The following NPC1L1 variants were observed in gnomAD, a reference collection of about 807,000 sequenced individuals.
The protein encoded by NPC1L1 is NPC1-like intracellular cholesterol transporter 1.
A neutral mutation model predicts 117.0 loss-of-function variants in NPC1L1; 98 were observed. That is an observed-to-expected ratio of 0.84 (90% CI 0.71 to 0.99). The LOEUF (loss-of-function observed/expected upper bound fraction) is 0.99. NPC1L1 is among the 50% of genes least tolerant of loss of function. The probability of loss-of-function intolerance (pLI) is 0.00; values close to 1 mark genes in which losing one functional copy is unlikely to be tolerated. For missense variants in NPC1L1, 1,540 were observed against 1,710.0 expected, an observed-to-expected ratio of 0.90 and a Z score of 1.75; for synonymous variants, 729 against 727.6, an observed-to-expected ratio of 1.00 and a Z score of -0.03.
chr7:44,539,955 C>T lies in NPC1L1; in HGVS notation c.442G>A (p.Gly148Arg), dbSNP rs1802037838. The change falls in exon 2 of 19, where the codon GGA (glycine) becomes AGA (arginine). Residue 148 changes from glycine (G) to arginine (R), a missense_variant. Physicochemically the swap from Gly to Arg is moderately radical, Grantham distance 125. Transcript: ENST00000381160. This position sits in a 1 kb window ranked among gnomAD's most constrained non-coding sequence, Gnocchi z 4.4. ...TAGGCCACCACAGCTGGGAGTTGTC[C>T]AGCCCCTAGCTGGGCCACGCGGGTC... Reference protein sequence around the residue: ...NVTRVAQLGAGQLPAVVAYEA... With the variant: ...NVTRVAQLGARQLPAVVAYEA... The T allele has an allele frequency of 6.2e-7, 1 of 1,614,116 alleles. No homozygotes were observed. Among genetic ancestry groups the T allele is most frequent in the African/African-American group, 1.3e-5 (1 of 74,944 alleles).
At chr7:44,514,739 C>A (rs539184858) in intron 18 of NPC1L1, among the ~76,000 whole-genome samples, 2 of 150,750 alleles carry the variant, frequency 1.3e-5, no homozygotes, top group East Asian at 3.9e-4. Context: ...CAGTGGCTCA[C>A]GCCTGTAATC....
chr7:44,538,684 A>G lies in NPC1L1; in HGVS notation c.1580+133T>C. On this transcript the variant is annotated intron_variant, in intron 2 of 18. Coordinates refer to ENST00000381160, the MANE Select transcript of NPC1L1 (RefSeq NM_001101648.2). The surrounding 1 kb of genome is among the most constrained non-coding windows in gnomAD (Gnocchi z 5.9). ...CAGAGATAATCATCTGGGCGGCCCC[A>G]GGCCAGAGCCGTAGGAATAGCTACC... 1 of 914,992 alleles carries G rather than the reference A, an allele frequency of 1.1e-6. No individual in the cohort carries two copies. Among genetic ancestry groups the G allele is most frequent in the South Asian group, 1.3e-5 (1 of 74,588 alleles). The allele number at this position is 914,992 out of a possible 1,614,324, so 56.7% of individuals were successfully genotyped here.
chr7:44,522,599 C>A (rs1414270461), intron 10 of NPC1L1, among the ~76,000 whole-genome samples: 1 of 152,180 alleles, frequency 6.6e-6, no homozygotes, highest in Non-Finnish European at 1.5e-5. Flanking sequence ...CTCAGGGGTA[C>A]CCTCAAGATG....
In NPC1L1 at chr7:44,534,120, A is replaced by C. The variant is rs1409479511; in HGVS notation, c.2167-267T>G. ...ACCCTAATTGTTCACCAACAGGGAG[A>C]GGTGAAATCGACTCTGATTTATCCT... On this transcript the variant is annotated intron_variant, in intron 6 of 18. Transcript: ENST00000381160. The surrounding 1 kb of genome is among the most constrained non-coding windows in gnomAD (Gnocchi z 5.2). Among the ~76,000 whole-genome samples, 1 of 150,524 alleles carries C rather than the reference A, an allele frequency of 6.6e-6. No homozygotes were observed.
chr7:44,534,682 C>G lies in NPC1L1; in HGVS notation c.1984-53G>C. On this transcript the variant is annotated intron_variant, in intron 5 of 18. Transcript: ENST00000381160. The surrounding 1 kb of genome is among the most constrained non-coding windows in gnomAD (Gnocchi z 5.2). ...AGCCACTTAGCACCTACCCAGTATG[C>G]CCACCAGCCTCAGCTAGGCCAGACA... 2 of 1,592,346 alleles carry G rather than the reference C, an allele frequency of 1.3e-6. No individual in the cohort carries two copies. Among genetic ancestry groups the G allele is most frequent in the Non-Finnish European group, 1.7e-6 (2 of 1,164,016 alleles).
chr7:44,537,925 C>T (rs541981716), intron 2 of NPC1L1, among the ~76,000 whole-genome samples: 3 of 152,180 alleles, frequency 2.0e-5, no homozygotes, highest in Non-Finnish European at 2.9e-5. Flanking sequence ...AACTTGGGGC[C>T]CAGCTGAGGG....
rs1445550357 is a variant in NPC1L1, at chr7:44,532,317, G to A, written c.2410-100C>T. 92 of 1,407,838 alleles carry A rather than the reference G, an allele frequency of 6.5e-5. No individual in the cohort carries two copies. The South Asian group carries it at 6.9e-4, about 11-fold the overall frequency. 87.2% of individuals were successfully genotyped at this position (1,407,838 alleles called of 1,614,324 possible). The stretch of plus-strand genomic sequence containing the variant: ...GAGTGTCACCTTCTGTGGGTGGCCC[G>A]TGCCAGTGCCCTCATGGAGACATAC... On this transcript the variant is annotated intron_variant, in intron 8 of 18. Transcript: ENST00000381160.
At chr7:44,518,850 A>G (rs1488592620) in intron 14 of NPC1L1, among the ~76,000 whole-genome samples, 4 of 151,572 alleles carry the variant, frequency 2.6e-5, no homozygotes, top group Non-Finnish European at 5.9e-5. Context: ...CCTGGAGGGT[A>G]GTTCACACAC....
At position 44,534,000 on chromosome 7, in the gene NPC1L1, C is replaced by T. The variant is rs952329834; in HGVS notation, c.2167-147G>A. The T allele has an allele frequency of 1.0e-5, 7 of 693,588 alleles. No homozygotes were observed. In the Admixed American group the frequency reaches 1.6e-4, roughly 16 times the overall value. The allele number at this position is 693,588 out of a possible 1,614,324, so 43.0% of individuals were successfully genotyped here. A position where few individuals can be genotyped will look rare whatever the true frequency, so the allele number is the denominator to read the frequency against. On this transcript the variant is annotated intron_variant, in intron 6 of 18. Transcript: ENST00000381160. ...CTGAATCATCAGAGACTCTCATACT[C>T]TCCATGGCCAATATTCTTCTTCCAG... is the stretch of plus-strand genomic sequence containing the variant.
chr7:44,521,615 G>A (rs1801354904), intron 12 of NPC1L1, 97 bp downstream of exon 12: 15 of 1,572,318 alleles, frequency 9.5e-6, no homozygotes, highest in African/African-American at 1.3e-5. Context: ...CAGGATGCGT[G>A]GGAGAGGTTG....
At chr7:44,523,038 CT>C (rs1801407857) in intron 10 of NPC1L1, among the ~76,000 whole-genome samples, 1 of 152,136 alleles carries the variant, frequency 6.6e-6, no homozygotes, top group Non-Finnish European at 1.5e-5. Context: ...AACAATTTGT[CT>C]GGTATAACTA....
At chr7:44,523,985 C>T (rs76652739) in intron 10 of NPC1L1, among the ~76,000 whole-genome samples, 2,712 of 152,268 alleles carry the variant, frequency 0.018, 74 homozygotes, top group African/African-American at 0.062. Flanking sequence ...CTCCCACCAC[C>T]GTTGTTGCAA....
At position 44,539,838 on chromosome 7, in the gene NPC1L1, T is replaced by C. The variant is rs771651843; in HGVS notation, c.559A>G (p.Thr187Ala). ...VPAAATLAVG[T>A]MCGVYGSALC... ...GCAGAGCCATACACGCCACACATGG[T>C]GCCCACAGCCAGCGTGGCAGCTGCA... Residue 187 changes from threonine (T) to alanine (A), a missense_variant, in exon 2 of 19, where the codon ACC becomes GCC. Thr to Ala is a moderately conservative substitution (Grantham distance 58, BLOSUM62 0). This residue lies in a region of NPC1L1 where 793 missense variants were observed against 820.4 expected (regional missense o/e 0.97). Transcript: ENST00000381160. The surrounding 1 kb of genome is among the most constrained non-coding windows in gnomAD (Gnocchi z 4.4). The C allele has an allele frequency of 2.0e-5, 33 of 1,613,998 alleles. No individual in the cohort carries two copies. The South Asian group carries it at 3.5e-4, about 17-fold the overall frequency.
chr7:44,525,550 C>G (rs1801488530), intron 10 of NPC1L1, among the ~76,000 whole-genome samples: 1 of 152,174 alleles, frequency 6.6e-6, no homozygotes, highest in South Asian at 2.1e-4. Context: ...GCCACTGCAC[C>G]CAGCTGGATA....
At position 44,533,963 on chromosome 7, in the gene NPC1L1, G is replaced by A. The variant is rs531526588; in HGVS notation, c.2167-110C>T. On this transcript the variant is annotated intron_variant, in intron 6 of 18. Transcript: ENST00000381160. ...GAGCTGCAGCCAGGCCTGAGGAGCT[G>A]CTCTGACCTTCCTGAATCATCAGAG... 2.1e-5 allele frequency: 17 copies of A among 813,566 alleles called. No individual in the cohort carries two copies. The African/African-American group carries it at 2.4e-4, about 11-fold the overall frequency. The allele number at this position is 813,566 out of a possible 1,614,324, so 50.4% of individuals were successfully genotyped here.
chr7:44,529,202 C>A (rs143819652), intron 10 of NPC1L1, among the ~76,000 whole-genome samples: 272 of 151,178 alleles, frequency 1.8e-3, no homozygotes, highest in African/African-American at 6.0e-3. Flanking sequence ...GTGCCCTAGG[C>A]AGCCCCCATC....
Position 44,533,574 on chromosome 7 carries a change from G to A in NPC1L1, c.2282-16C>T, listed in dbSNP as rs1452296918. ...GTCAGGGCCCCTGTGAGGGAGCAGAGGGCTGTCAGGGCACCCTGGCTTCAA... is the reference window on the plus strand; with the variant it reads ...GTCAGGGCCCCTGTGAGGGAGCAGAAGGCTGTCAGGGCACCCTGGCTTCAA... On this transcript the variant is annotated splice_polypyrimidine_tract_variant and intron_variant, in intron 7 of 18. Transcript: ENST00000381160. 1.2e-6 allele frequency: 2 copies of A among 1,614,030 alleles called. No homozygotes were observed. The highest frequency in any genetic ancestry group is 1.3e-5 in the African/African-American group (1 of 74,940).
At chr7:44,517,158 C>A (rs1463435722) in intron 15 of NPC1L1, 49 bp downstream of exon 15, 2 of 1,613,148 alleles carry the variant, frequency 1.2e-6, no homozygotes. Flanking sequence ...CCTCCAGTCT[C>A]CAGCAACCAT....
At position 44,516,850 on chromosome 7, in the gene NPC1L1, G is replaced by A. The variant is rs115797477; in HGVS notation, c.3372C>T (p.Phe1124=). 100 of 1,614,204 alleles carry A rather than the reference G, an allele frequency of 6.2e-5. No homozygotes were observed. Among genetic ancestry groups the A allele is most frequent in the Middle Eastern group, 1.7e-4 (1 of 6,048 alleles). Residue 1124 remains phenylalanine, a synonymous_variant, in exon 16 of 19, where the codon TTC becomes TTT. Transcript: ENST00000381160. The part of the protein sequence containing the change: ...FMLSLCLVPT[F]AVSCLLLGLD... The stretch of plus-strand genomic sequence containing the variant: ...GGCCCAGCAGGAGGCAGGAGACAGC[G>A]AAGGTGGGCACAAGGCAGAGGCTGA...
Sources: gnomAD v4.1 joint callset for allele counts (sites outside exome capture counted in the v4.1 genomes callset) on GRCh38, gnomAD v4.1.1 for gene constraint, gnomAD v4.1.1 regional missense constraint, Gnocchi (gnomAD v3.1) non-coding constraint, MANE v1.5 for transcripts, NCBI Gene and HGNC (gene_info 2026-07-23, HGNC 2026-07-21) for gene names.